The following DISC1 variants were observed in gnomAD, a reference collection of about 807,000 sequenced individuals.
DISC1 encodes the protein disrupted in schizophrenia 1 protein.
A neutral mutation model predicts 84.5 loss-of-function variants in DISC1; 57 were observed. The observed-to-expected ratio is 0.67, with a 90% CI of 0.55 to 0.84. The LOEUF (loss-of-function observed/expected upper bound fraction) is 0.84, where lower values mean the gene tolerates loss of function less well. Among genes scored for constraint, DISC1 ranks in the 40% least tolerant of loss-of-function variants. DISC1 has a pLI of 0.00. For missense variants in DISC1, 1,000 were observed against 1,057.8 expected, an observed-to-expected ratio of 0.95 and a Z score of 0.76; for synonymous variants, 411 against 415.2, an observed-to-expected ratio of 0.99 and a Z score of 0.12.
At chr1:231,710,574 A>G (rs955215643) in intron 3 of DISC1, among the ~76,000 whole-genome samples, 4 of 152,094 alleles carry the variant, frequency 2.6e-5, no homozygotes, top group African/African-American at 9.7e-5. Context: ...AACAATAGAA[A>G]CTTATTGTCT....
chr1:232,026,718 C>T (rs1189720894), intron 12 of DISC1, among the ~76,000 whole-genome samples, 166 bp downstream of exon 12: 1 of 150,522 alleles, frequency 6.6e-6, no homozygotes, highest in East Asian at 2.0e-4. Context: ...GAAATGTTTT[C>T]GCTCTAGTTT....
chr1:231,708,011 C>CTAT (rs1173396229), intron 3 of DISC1, among the ~76,000 whole-genome samples: 1 of 152,158 alleles, frequency 6.6e-6, no homozygotes, highest in Non-Finnish European at 1.5e-5. Flanking sequence ...GTAGGTGGAA[C>CTAT]TATTACCTTT....
chr1:231,816,453 A>G lies in DISC1; in HGVS notation c.1793-1876A>G, dbSNP rs911339518. Among the ~76,000 whole-genome samples, 22 of 152,328 alleles carry G rather than the reference A, an allele frequency of 1.4e-4. No homozygotes were observed. The East Asian group carries it at 4.2e-3, about 29-fold the overall frequency. On this transcript the variant is annotated intron_variant, in intron 8 of 12. Transcript: ENST00000439617. ...ATAAAGCCCATTTATCCTTTTTAAA[A>G]TAGTGTTTTCTGTATCTTATCTGAA...
chr1:231,777,995 CAG>C (rs1298571322), intron 6 of DISC1, among the ~76,000 whole-genome samples: 1 of 152,152 alleles, frequency 6.6e-6, no homozygotes, highest in East Asian at 1.9e-4. Flanking sequence ...AGGCCTTGGA[CAG>C]AGTGCTTAGT....
At chr1:231,671,147 T>C (rs144875565) in intron 1 of DISC1, among the ~76,000 whole-genome samples, 4 of 152,304 alleles carry the variant, frequency 2.6e-5, no homozygotes, top group Non-Finnish European at 4.4e-5. Flanking sequence ...ATCTTGGTGT[T>C]GGTCATAATA....
Position 231,849,448 on chromosome 1 carries a change from G to A in DISC1, c.1981+30931G>A, listed in dbSNP as rs183982195. Among the ~76,000 whole-genome samples, 3 of 152,256 alleles carry A rather than the reference G, an allele frequency of 2.0e-5. No homozygotes were observed. In the East Asian group the frequency reaches 5.8e-4, roughly 29 times the overall value. On this transcript the variant is annotated intron_variant, in intron 9 of 12. Coordinates refer to ENST00000439617, the MANE Select transcript of DISC1 (RefSeq NM_018662.3). ...CCTCATTTTACAGAAGAGGAAACTAGTGCTCAGAGAGGTTAGACAACATGC... is the reference window on the plus strand; with the variant it reads ...CCTCATTTTACAGAAGAGGAAACTAATGCTCAGAGAGGTTAGACAACATGC...
intron 4 of DISC1, among the ~76,000 whole-genome samples, chr1:231,766,761 G>T (rs774909889): frequency 7.9e-5 from 12 of 152,062 alleles, no homozygotes; most frequent in Admixed American, 1.3e-4. Context: ...AACATATAAT[G>T]AACTTAAAAA....
chr1:231,782,186 T>C (rs986963090), intron 6 of DISC1, among the ~76,000 whole-genome samples: 1 of 152,248 alleles, frequency 6.6e-6, no homozygotes, highest in Non-Finnish European at 1.5e-5. Flanking sequence ...AGCTTCCTCT[T>C]TGAGTCATGT....
At chr1:231,701,336 G>T (rs1007596665) in intron 2 of DISC1, among the ~76,000 whole-genome samples, 1 of 152,080 alleles carries the variant, frequency 6.6e-6, no homozygotes, top group African/African-American at 2.4e-5. Flanking sequence ...ATTTGGGTGG[G>T]GACACAGCCA....
intron 3 of DISC1, among the ~76,000 whole-genome samples, chr1:231,747,691 A>G (rs1469155346): frequency 6.6e-6 from 1 of 152,170 alleles, no homozygotes; most frequent in Non-Finnish European, 1.5e-5. Context: ...GAGGTCTGGT[A>G]GTGTGATACC....
At chr1:231,731,055 GA>G (rs1223673102) in intron 3 of DISC1, among the ~76,000 whole-genome samples, 2 of 152,112 alleles carry the variant, frequency 1.3e-5, no homozygotes, top group African/African-American at 4.8e-5. Context: ...CCCCAAATGG[GA>G]AAATGGAAGT....
chr1:231,740,534 G>A (rs1478842439), intron 3 of DISC1, among the ~76,000 whole-genome samples: 2 of 152,144 alleles, frequency 1.3e-5, no homozygotes, highest in East Asian at 1.9e-4. Flanking sequence ...GAATACCAGG[G>A]GCAGAGGTTT....
At chr1:231,995,970 G>A (rs565685717) in intron 10 of DISC1, among the ~76,000 whole-genome samples, 1 of 152,212 alleles carries the variant, frequency 6.6e-6, no homozygotes, top group South Asian at 2.1e-4. Flanking sequence ...GTGTAAAAGT[G>A]TTCCTATTTC....
At chr1:231,720,689 A>G (rs2069546100) in intron 3 of DISC1, among the ~76,000 whole-genome samples, 1 of 151,918 alleles carries the variant, frequency 6.6e-6, no homozygotes, top group African/African-American at 2.4e-5. Context: ...TAACTTGACT[A>G]CTTTTAGTTT....
chr1:231,740,366 C>T (rs2073084514), intron 3 of DISC1, among the ~76,000 whole-genome samples: 1 of 152,168 alleles, frequency 6.6e-6, no homozygotes, highest in Non-Finnish European at 1.5e-5. Context: ...AGAATATGCA[C>T]AGTTAGTGTC....
intron 1 of DISC1, among the ~76,000 whole-genome samples, chr1:231,681,675 T>A (rs1367663845): frequency 6.6e-6 from 1 of 152,134 alleles, no homozygotes; most frequent in Non-Finnish European, 1.5e-5. Context: ...ACAGATAGAT[T>A]AACAGGAGAA....
intron 11 of DISC1, among the ~76,000 whole-genome samples, chr1:232,015,692 A>T (rs112795641): frequency 6.6e-6 from 1 of 152,208 alleles, no homozygotes. Context: ...AGGAGCAGGC[A>T]GGAGATGAAC....
At chr1:231,683,598 C>A (rs911232302) in intron 1 of DISC1, among the ~76,000 whole-genome samples, 2 of 150,854 alleles carry the variant, frequency 1.3e-5, no homozygotes, top group Admixed American at 6.7e-5. Flanking sequence ...CTGTGAACAC[C>A]CCCTCTGTGA....
In DISC1 at chr1:231,749,142, A is replaced by G. The variant is rs956576131; in HGVS notation, c.1118-784A>G. On this transcript the variant is annotated intron_variant, in intron 3 of 12. Coordinates refer to ENST00000439617, the MANE Select transcript of DISC1 (RefSeq NM_018662.3). ...CGGGACTGCCATTCATCACAGTTGC[A>G]TCTTCACTCCCCCACCGTACTCCAG... Among the ~76,000 whole-genome samples the G allele has an allele frequency of 2.6e-5, 4 of 152,264 alleles. No individual in the cohort carries two copies. The East Asian group carries it at 7.7e-4, about 29-fold the overall frequency.
Sources: allele counts gnomAD v4.1 joint callset (sites outside exome capture counted in the v4.1 genomes callset), GRCh38; gene constraint gnomAD v4.1.1; transcripts MANE v1.5; gene names NCBI Gene and HGNC (gene_info 2026-07-23, HGNC 2026-07-21).